KIF14: variants seen among roughly 807,000 people sequenced by gnomAD.
KIF14 encodes the protein kinesin-like protein KIF14.
KIF14 carries 98 observed loss-of-function variants against 176.2 expected under a neutral mutation model. That is an observed-to-expected ratio of 0.56 (90% CI 0.47 to 0.66). The LOEUF is 0.66. KIF14 is among the 30% of genes least tolerant of loss of function. KIF14 has a pLI of 0.00. For synonymous variants in KIF14, 566 were observed against 632.2 expected (o/e 0.90, Z 1.57); for missense variants, 1,751 against 1,920.4 (o/e 0.91, Z 1.65).
intron 13 of KIF14, among the ~76,000 whole-genome samples, 161 bp from the exon 14 acceptor site, chr1:200,598,582 A>G (rs571156893): frequency 6.6e-6 from 1 of 152,160 alleles, no homozygotes; most frequent in African/African-American, 2.4e-5. Context: ...TTTTTGAGAC[A>G]GAGTCTCGCT....
intron 3 of KIF14, among the ~76,000 whole-genome samples, chr1:200,615,003 C>T (rs1660342912): frequency 6.6e-6 from 1 of 152,082 alleles, no homozygotes; most frequent in African/African-American, 2.4e-5. Flanking sequence ...TCCCAAGTAG[C>T]TGAGACTACA....
At chr1:200,571,279 C>A (rs1324070771) in intron 22 of KIF14, among the ~76,000 whole-genome samples, 2 of 147,678 alleles carry the variant, frequency 1.4e-5, no homozygotes, top group Non-Finnish European at 3.0e-5. Flanking sequence ...CATGCCACTG[C>A]ACTCCAGCCT....
intron 14 of KIF14, among the ~76,000 whole-genome samples, chr1:200,594,081 C>A (rs1224346993): frequency 6.6e-6 from 1 of 151,818 alleles, no homozygotes; most frequent in Non-Finnish European, 1.5e-5. Flanking sequence ...CAGGCACCCA[C>A]CACCATGCCC....
chr1:200,610,657 C>T (rs1205295462), intron 4 of KIF14, among the ~76,000 whole-genome samples: 1 of 151,998 alleles, frequency 6.6e-6, no homozygotes, highest in Non-Finnish European at 1.5e-5. Context: ...ATTGTCAGGA[C>T]ATAAAGAAGT....
In KIF14 at chr1:200,553,356, G is replaced by T; in HGVS notation, c.*32C>A. 1 of 1,531,990 alleles carries T rather than the reference G, an allele frequency of 6.5e-7. No homozygotes were observed. The highest frequency in any genetic ancestry group is 1.3e-5 in the South Asian group (1 of 77,354). 94.9% of individuals were successfully genotyped at this position (1,531,990 alleles called of 1,614,324 possible). Reference sequence around the variant, plus strand: ...CGAGCAAGTGTTCTTTTTCTTTCATGGGTGGTCATAAAAGTGCCTACACAT... The same window carrying T: ...CGAGCAAGTGTTCTTTTTCTTTCATTGGTGGTCATAAAAGTGCCTACACAT... On this transcript the variant is annotated 3_prime_UTR_variant, in exon 30 of 30. Coordinates refer to ENST00000367350, the MANE Select transcript of KIF14 (RefSeq NM_014875.3).
At chr1:200,592,342 T>G (rs751906801) in intron 15 of KIF14, 102 bp from the exon 16 acceptor site, 591 of 873,666 alleles carry the variant, frequency 6.8e-4, no homozygotes, top group Non-Finnish European at 6.8e-4. Context: ...CTAGTATTAA[T>G]GATAAACATA....
chr1:200,566,335 G>C (rs1439885656), intron 23 of KIF14, among the ~76,000 whole-genome samples: 5 of 150,230 alleles, frequency 3.3e-5, no homozygotes, highest in Non-Finnish European at 7.4e-5. Flanking sequence ...GCTCATGCCT[G>C]TAATCCCAGC....
chr1:200,573,280 G>T (rs1245921264), intron 22 of KIF14, among the ~76,000 whole-genome samples: 1 of 152,058 alleles, frequency 6.6e-6, no homozygotes, highest in Non-Finnish European at 1.5e-5. Context: ...TGAGAAAATT[G>T]AAGCCTAGGG....
intron 11 of KIF14, among the ~76,000 whole-genome samples, 173 bp from the exon 12 acceptor site, chr1:200,600,676 T>C (rs1485522773): frequency 6.6e-6 from 1 of 152,208 alleles, no homozygotes; most frequent in East Asian, 1.9e-4. Context: ...AAATCTTTAC[T>C]TAGTCTTAAC....
intron 20 of KIF14, among the ~76,000 whole-genome samples, chr1:200,580,879 G>A (rs576620312): frequency 6.6e-6 from 1 of 152,132 alleles, no homozygotes; most frequent in East Asian, 1.9e-4. Context: ...GAGAGGCCAA[G>A]TCAGGCGGAT....
In KIF14 at chr1:200,553,536, T is replaced by TTTTGATTA; in HGVS notation, c.4791_4798dup (p.Asn1600IlefsTer39). The TTTTGATTA allele has an allele frequency of 6.2e-7, 1 of 1,614,118 alleles. No individual in the cohort carries two copies. The highest frequency in any genetic ancestry group is 1.1e-5 in the South Asian group (1 of 91,074). ...AGATTGTTGGTGTTCTTCTTTGGTA[T>TTTTGATTA]TTTGATTATAAGTTTCCCAGGGTTT... On this transcript the variant is annotated frameshift_variant, in exon 30 of 30. Transcript: ENST00000367350. LOFTEE classifies it low-confidence loss of function (END_TRUNC).
At chr1:200,558,261 G>A (rs1656945679) in intron 27 of KIF14, among the ~76,000 whole-genome samples, 1 of 152,098 alleles carries the variant, frequency 6.6e-6, no homozygotes, top group Non-Finnish European at 1.5e-5. Flanking sequence ...GGCCAAGGAT[G>A]GTTTTAATAT....
intron 18 of KIF14, among the ~76,000 whole-genome samples, chr1:200,587,614 A>C (rs1387041457): frequency 6.6e-6 from 1 of 152,150 alleles, no homozygotes; most frequent in East Asian, 1.9e-4. Context: ...AGAGTTCAAG[A>C]CCAGCTTGGC....
chr1:200,594,578 C>A (rs4623737), intron 14 of KIF14, among the ~76,000 whole-genome samples: 80,698 of 151,984 alleles, frequency 0.53, 22,200 homozygotes, highest in East Asian at 0.69. Context: ...CAAAGTGTAC[C>A]CCTTAAGACA....
At chr1:200,615,291 A>G (rs1660355941) in intron 3 of KIF14, 64 bp downstream of exon 3, 1 of 1,463,586 alleles carries the variant, frequency 6.8e-7, no homozygotes, top group South Asian at 1.3e-5. Context: ...TATCACCCCT[A>G]TGCCACTTCT....
chr1:200,572,027 T>A (rs1027224281), intron 22 of KIF14, among the ~76,000 whole-genome samples: 1 of 152,228 alleles, frequency 6.6e-6, no homozygotes, highest in African/African-American at 2.4e-5. Flanking sequence ...AGAAGTTCTA[T>A]AATTAAGAAT....
intron 18 of KIF14, among the ~76,000 whole-genome samples, 178 bp from the exon 19 acceptor site, chr1:200,586,405 A>AG (rs1658739089): frequency 6.7e-6 from 1 of 148,812 alleles, no homozygotes; most frequent in South Asian, 2.1e-4. Flanking sequence ...TTTTAAAAAA[A>AG]CAGATTGATA....
chr1:200,610,304 T>C (rs1225533998), intron 4 of KIF14, among the ~76,000 whole-genome samples: 1 of 152,030 alleles, frequency 6.6e-6, no homozygotes. Flanking sequence ...ATCGAGACCA[T>C]CCTGGCTAAC....
chr1:200,590,899 G>A (rs865793570), intron 16 of KIF14, among the ~76,000 whole-genome samples: 3 of 152,056 alleles, frequency 2.0e-5, no homozygotes, highest in Non-Finnish European at 2.9e-5. Context: ...GGTGGTGTGC[G>A]CCTATAGTCT....
Sources: gnomAD v4.1 joint callset for allele counts (sites outside exome capture counted in the v4.1 genomes callset) on GRCh38, gnomAD v4.1.1 for gene constraint, MANE v1.5 for transcripts, NCBI Gene and HGNC (gene_info 2026-07-23, HGNC 2026-07-21) for gene names.